WDR49: variants seen among roughly 807,000 people sequenced by gnomAD.
WDR49 encodes cilia- and flagella-associated protein 337.
Under a neutral mutation model 119.5 loss-of-function variants are expected in WDR49, and 107 were observed. The ratio of observed to expected loss-of-function variants is 0.90; its 90% CI spans 0.77 to 1.05. WDR49 has a LOEUF of 1.05. Ranked by LOEUF, WDR49 falls within the 50% of genes least tolerant of loss-of-function variation. The pLI is 0.00. For synonymous variants in WDR49, 425 were observed against 418.8 expected, an observed-to-expected ratio of 1.01 and a Z score of -0.18; for missense variants, 1,240 against 1,220.5, an observed-to-expected ratio of 1.02 and a Z score of -0.24.
chr3:167,606,688 G>A (rs1577272380), intron 5 of WDR49, among the ~76,000 whole-genome samples: 1 of 152,188 alleles, frequency 6.6e-6, no homozygotes, highest in South Asian at 2.1e-4. Context: ...TCACTGGGAA[G>A]TGTGTCATGA....
At chr3:167,565,539 T>C (rs1394426160) in intron 8 of WDR49, among the ~76,000 whole-genome samples, 3 of 152,072 alleles carry the variant, frequency 2.0e-5, no homozygotes, top group Non-Finnish European at 4.4e-5. Context: ...GCTTTTGTCA[T>C]AGGTGCAAAA....
At chr3:167,537,664 G>T (rs891986897) in intron 10 of WDR49, among the ~76,000 whole-genome samples, 2 of 152,086 alleles carry the variant, frequency 1.3e-5, no homozygotes, top group Non-Finnish European at 2.9e-5. Flanking sequence ...GACAGGATGG[G>T]CAAAGAATGA....
At chr3:167,629,218 C>G (rs1027387855) in intron 2 of WDR49, among the ~76,000 whole-genome samples, 2 of 152,116 alleles carry the variant, frequency 1.3e-5, no homozygotes, top group African/African-American at 4.8e-5. Context: ...TGCCACTGCA[C>G]TCCAGCCTGG....
intron 18 of WDR49, among the ~76,000 whole-genome samples, chr3:167,490,804 T>C (rs909651528): frequency 2.6e-5 from 4 of 152,118 alleles, no homozygotes; most frequent in African/African-American, 7.2e-5. Context: ...ATGCAAACTT[T>C]GTTTTATCTG....
intron 17 of WDR49, among the ~76,000 whole-genome samples, chr3:167,502,313 C>G (rs888490633): frequency 7.9e-5 from 12 of 152,156 alleles, no homozygotes; most frequent in Non-Finnish European, 1.8e-4. Flanking sequence ...TTATAAATTA[C>G]CCAATATCAG....
intron 2 of WDR49, among the ~76,000 whole-genome samples, chr3:167,636,814 T>C (rs935897599): frequency 2.0e-5 from 3 of 151,948 alleles, no homozygotes; most frequent in Non-Finnish European, 4.4e-5. Flanking sequence ...TCTATTCATG[T>C]CCTTAGCCCG....
intron 17 of WDR49, 35 bp from the exon 18 acceptor site, chr3:167,500,334 GA>G: frequency 3.1e-6 from 5 of 1,596,570 alleles, no homozygotes; most frequent in African/African-American, 1.4e-5. Flanking sequence ...AAGACAGGGA[GA>G]AAAAGGGTAC....
At chr3:167,555,616 A>G (rs925253757) in intron 9 of WDR49, among the ~76,000 whole-genome samples, 1 of 152,148 alleles carries the variant, frequency 6.6e-6, no homozygotes, top group Non-Finnish European at 1.5e-5. Context: ...ATCTCCAAGT[A>G]GACAGTGTCA....
intron 16 of WDR49, among the ~76,000 whole-genome samples, chr3:167,521,867 G>T (rs534361094): frequency 1.2e-4 from 19 of 152,172 alleles, no homozygotes; most frequent in Admixed American, 2.6e-4. Flanking sequence ...CCTTAAGGAA[G>T]TGATGTCTAA....
At chr3:167,635,509 C>T (rs1162663790) in intron 2 of WDR49, among the ~76,000 whole-genome samples, 1 of 151,732 alleles carries the variant, frequency 6.6e-6, no homozygotes, top group Non-Finnish European at 1.5e-5. Flanking sequence ...TTTGTGCCCT[C>T]TTTCCAATAG....
Position 167,599,628 on chromosome 3 carries a change from C to T in WDR49, c.1275+2499G>A, listed in dbSNP as rs373002852. Among the ~76,000 whole-genome samples, 27 of 152,298 alleles carry T rather than the reference C, an allele frequency of 1.8e-4. No individual in the cohort carries two copies. In the South Asian group the frequency reaches 2.1e-3, roughly 12 times the overall value. ...AAAAATCACCTTTACTTAACTTCTGCTTTTCTCAAATAGAAGTGTCTCACT... is the reference window on the plus strand; with the variant it reads ...AAAAATCACCTTTACTTAACTTCTGTTTTTCTCAAATAGAAGTGTCTCACT... On this transcript the variant is annotated intron_variant, in intron 7 of 18. Coordinates refer to ENST00000682715, the MANE Select transcript of WDR49 (RefSeq NM_001366157.1).
chr3:167,565,929 G>A (rs1713568877), intron 8 of WDR49, among the ~76,000 whole-genome samples: 1 of 151,930 alleles, frequency 6.6e-6, no homozygotes, highest in South Asian at 2.1e-4. Context: ...AAGATCATTT[G>A]TTCTTAACAA....
chr3:167,524,155 G>A (rs1752553881), intron 15 of WDR49, among the ~76,000 whole-genome samples: 1 of 152,120 alleles, frequency 6.6e-6, no homozygotes, highest in African/African-American at 2.4e-5. Flanking sequence ...CAGTGATAAT[G>A]AGCTTTTTTT....
chr3:167,505,368 T>C lies in WDR49; in HGVS notation c.2823A>G (p.Arg941=), dbSNP rs2108214105. 6.5e-7 allele frequency: 1 copy of C among 1,532,778 alleles called. No individual in the cohort carries two copies. Among genetic ancestry groups the C allele is most frequent in the Non-Finnish European group, 8.7e-7 (1 of 1,148,844 alleles). The allele number at this position is 1,532,778 out of a possible 1,614,324, so 94.9% of individuals were successfully genotyped here. A position where few individuals can be genotyped will look rare whatever the true frequency, so the allele number is the denominator to read the frequency against. ...DINLDIKYKE[R]STCMKETQKP... is the part of the protein sequence containing the mutation. ...TTTGTGTTTCTTTCATGCAGGTACTTCTTTCCTTATATTTTATATCTAAAT... is the reference window on the plus strand; with the variant it reads ...TTTGTGTTTCTTTCATGCAGGTACTCCTTTCCTTATATTTTATATCTAAAT... The change falls in exon 17 of 19, where the codon AGA becomes AGG. Residue 941 remains arginine, a synonymous_variant. Transcript: ENST00000682715.
chr3:167,505,789 C>T (rs1751747966), intron 16 of WDR49, among the ~76,000 whole-genome samples: 1 of 152,116 alleles, frequency 6.6e-6, no homozygotes, highest in South Asian at 2.1e-4. Flanking sequence ...TGTGTCAAAG[C>T]TTATTTATTC....
intron 7 of WDR49, among the ~76,000 whole-genome samples, chr3:167,583,856 AGT>A (rs1714677610): frequency 6.6e-6 from 1 of 152,198 alleles, no homozygotes; most frequent in Admixed American, 6.5e-5. Flanking sequence ...TCTTCAATTT[AGT>A]TCCTCAGAAT....
At chr3:167,535,545 A>C (rs954791786) in intron 11 of WDR49, among the ~76,000 whole-genome samples, 4 of 152,160 alleles carry the variant, frequency 2.6e-5, no homozygotes, top group African/African-American at 9.6e-5. Context: ...TAAGTGAGTG[A>C]GACATCACTT....
chr3:167,552,076 C>T (rs542997057), intron 10 of WDR49, among the ~76,000 whole-genome samples: 4 of 152,062 alleles, frequency 2.6e-5, no homozygotes, highest in Non-Finnish European at 4.4e-5. Flanking sequence ...TGAAACAGTA[C>T]GGCTTGTATG....
At chr3:167,565,820 T>A (rs1713559447) in intron 8 of WDR49, among the ~76,000 whole-genome samples, 2 of 151,978 alleles carry the variant, frequency 1.3e-5, no homozygotes, top group Non-Finnish European at 2.9e-5. Context: ...CCATAAGAAC[T>A]AGGGAACAAA....
Sources: allele counts gnomAD v4.1 joint callset (sites outside exome capture counted in the v4.1 genomes callset), GRCh38; gene constraint gnomAD v4.1.1; transcripts MANE v1.5; gene names NCBI Gene and HGNC (gene_info 2026-07-23, HGNC 2026-07-21).